Variants in AFG2A observed in about 807,000 individuals in gnomAD.
AFG2A encodes the protein AAA ATPase AFG2A.
the AFG2A span, among the ~76,000 whole-genome samples, chr4:123,176,836 C>T: frequency 6.6e-6 from 1 of 152,058 alleles, no homozygotes; most frequent in South Asian, 2.1e-4. Context: ...CTACTCTTGC[C>T]TTGTGGGAGG....
chr4:123,000,195 A>G, the AFG2A span, among the ~76,000 whole-genome samples: 1 of 150,356 alleles, frequency 6.7e-6, no homozygotes, highest in African/African-American at 2.5e-5. Flanking sequence ...CAGCTTAAGG[A>G]AGTTTTGGGC....
chr4:123,167,165 T>G, the AFG2A span, among the ~76,000 whole-genome samples: 13,310 of 148,950 alleles, frequency 0.089, 756 homozygotes, highest in Middle Eastern at 0.19. Context: ...CAGGGCCTTA[T>G]AGTATATATA....
At chr4:123,311,735 T>C in the AFG2A span, among the ~76,000 whole-genome samples, 1 of 150,720 alleles carries the variant, frequency 6.6e-6, no homozygotes, top group Non-Finnish European at 1.5e-5. Flanking sequence ...GAACTGACCC[T>C]AAGGACAGCC....
the AFG2A span, among the ~76,000 whole-genome samples, chr4:122,951,381 G>A: frequency 3.3e-5 from 5 of 151,316 alleles, no homozygotes; most frequent in Admixed American, 2.6e-4. Context: ...TCCTGGAACC[G>A]ATACCCCATA....
chr4:123,199,888 A>T, the AFG2A span, among the ~76,000 whole-genome samples: 1 of 152,186 alleles, frequency 6.6e-6, no homozygotes, highest in Non-Finnish European at 1.5e-5. Flanking sequence ...TGTAGTTTTT[A>T]TTTTATGTGG....
At chr4:123,125,987 T>G in the AFG2A span, among the ~76,000 whole-genome samples, 2 of 152,086 alleles carry the variant, frequency 1.3e-5, no homozygotes, top group Non-Finnish European at 2.9e-5. Context: ...CCTAAAGGAG[T>G]GATATACTGT....
the AFG2A span, among the ~76,000 whole-genome samples, chr4:123,013,687 A>C: frequency 6.6e-6 from 1 of 152,128 alleles, no homozygotes; most frequent in Non-Finnish European, 1.5e-5. Flanking sequence ...AGGTGCAGCA[A>C]ATCTCCAACT....
the AFG2A span, among the ~76,000 whole-genome samples, chr4:123,275,205 CA>C: frequency 6.6e-6 from 1 of 152,106 alleles, no homozygotes; most frequent in Admixed American, 6.6e-5. Flanking sequence ...TGAGTCAATG[CA>C]TTCACTTTTC....
the AFG2A span, among the ~76,000 whole-genome samples, chr4:123,239,141 A>C: frequency 6.6e-6 from 1 of 152,200 alleles, no homozygotes; most frequent in African/African-American, 2.4e-5. Flanking sequence ...TAGAGAAAAA[A>C]GAGTAAAAAG....
At chr4:123,142,114 A>G in the AFG2A span, among the ~76,000 whole-genome samples, 1 of 152,192 alleles carries the variant, frequency 6.6e-6, no homozygotes. Flanking sequence ...AGAATTTAGC[A>G]AGAGAGGTTG....
the AFG2A span, among the ~76,000 whole-genome samples, chr4:123,057,670 G>A: frequency 8.6e-5 from 13 of 151,960 alleles, no homozygotes; most frequent in African/African-American, 2.2e-4. Flanking sequence ...TATAAAATAC[G>A]TTACACAGAT....
At chr4:123,121,259 AAT>A in the AFG2A span, among the ~76,000 whole-genome samples, 9,056 of 118,678 alleles carry the variant, frequency 0.076, 398 homozygotes, top group Admixed American at 0.14. Context: ...AAAAAAAAAA[AAT>A]AATAAATAAA....
At chr4:123,134,159 G>C in the AFG2A span, among the ~76,000 whole-genome samples, 3 of 151,960 alleles carry the variant, frequency 2.0e-5, no homozygotes, top group African/African-American at 7.2e-5. Context: ...CATTGCCTGT[G>C]CTTTTGAGGT....
chr4:123,276,615 G>A, the AFG2A span, among the ~76,000 whole-genome samples: 4 of 152,170 alleles, frequency 2.6e-5, no homozygotes, highest in African/African-American at 9.6e-5. Context: ...ATAGGTTTAG[G>A]TTTTACATTT....
the AFG2A span, among the ~76,000 whole-genome samples, chr4:123,258,858 C>CTTTTT: frequency 7.8e-5 from 7 of 90,314 alleles, no homozygotes; most frequent in East Asian, 3.4e-4. Flanking sequence ...GATACTGGTA[C>CTTTTT]TTTTTTTTTT....
At chr4:123,122,347 C>G in the AFG2A span, among the ~76,000 whole-genome samples, 2 of 152,192 alleles carry the variant, frequency 1.3e-5, no homozygotes. Flanking sequence ...TACCAAACAT[C>G]ACAATTTAGC....
At chr4:123,071,426 G>A in the AFG2A span, among the ~76,000 whole-genome samples, 4 of 151,422 alleles carry the variant, frequency 2.6e-5, no homozygotes, top group East Asian at 7.8e-4. Flanking sequence ...GTTGCGATGA[G>A]CCGAGATGGC....
the AFG2A span, among the ~76,000 whole-genome samples, chr4:123,072,130 A>G: frequency 6.6e-6 from 1 of 152,150 alleles, no homozygotes; most frequent in African/African-American, 2.4e-5. Context: ...TTTATTTGCT[A>G]GTTGTGGAAT....
At chr4:123,187,363 A>G in the AFG2A span, among the ~76,000 whole-genome samples, 1 of 152,208 alleles carries the variant, frequency 6.6e-6, no homozygotes. Flanking sequence ...AATGGCTGAA[A>G]CCACTTATAA....
Sources: gnomAD v4.1 joint callset for allele counts (sites outside exome capture counted in the v4.1 genomes callset) on GRCh38, gnomAD v4.1.1 for gene constraint, MANE v1.5 for transcripts, NCBI Gene and HGNC (gene_info 2026-07-23, HGNC 2026-07-21) for gene names.